KCNIP3: variants seen among roughly 807,000 people sequenced by gnomAD.
KCNIP3 encodes the protein potassium voltage-gated channel interacting protein 3.
Under a neutral mutation model 35.0 loss-of-function variants are expected in KCNIP3, and 28 were observed. The observed-to-expected ratio is 0.80, with a 90% CI of 0.59 to 1.10. The LOEUF is 1.10. KCNIP3 is among the 50% of genes least tolerant of loss of function. The pLI, the probability that KCNIP3 is intolerant of heterozygous loss-of-function variation, is 0.00. For synonymous variants in KCNIP3, 134 were observed against 133.8 expected (o/e 1.00, Z -0.01); for missense variants, 295 against 338.4 (o/e 0.87, Z 1.01).
At chr2:95,304,414 T>C (rs1396174062) in intron 1 of KCNIP3, among the ~76,000 whole-genome samples, 1 of 152,160 alleles carries the variant, frequency 6.6e-6, no homozygotes, top group Non-Finnish European at 1.5e-5. Flanking sequence ...GCTGAGGCCG[T>C]GCCCTCCCTT....
intron 2 of KCNIP3, among the ~76,000 whole-genome samples, chr2:95,314,097 C>T (rs956584061): frequency 1.3e-5 from 2 of 152,250 alleles, no homozygotes; most frequent in African/African-American, 2.4e-5. Context: ...TCATTCTCCC[C>T]GGGGTGCCAT....
At chr2:95,305,281 G>A (rs910107427) in intron 1 of KCNIP3, among the ~76,000 whole-genome samples, 11 of 152,164 alleles carry the variant, frequency 7.2e-5, no homozygotes, top group African/African-American at 1.2e-4. Context: ...GCATGCTTGC[G>A]TTTTTAACAC....
chr2:95,361,803 C>A (rs143544463), intron 2 of KCNIP3, among the ~76,000 whole-genome samples: 1 of 152,210 alleles, frequency 6.6e-6, no homozygotes, highest in Non-Finnish European at 1.5e-5. Flanking sequence ...GGGCTGGGTA[C>A]GGCAGCGAGG....
At chr2:95,359,509 G>T (rs571845316) in intron 2 of KCNIP3, among the ~76,000 whole-genome samples, 1 of 152,156 alleles carries the variant, frequency 6.6e-6, no homozygotes, top group Non-Finnish European at 1.5e-5. Flanking sequence ...TGGTGGGCTC[G>T]GCAGCCACAG....
At position 95,304,989 on chromosome 2, in the gene KCNIP3, C is replaced by A. The variant is rs537200490; in HGVS notation, c.16-5366C>A. On this transcript the variant is annotated intron_variant, in intron 1 of 8. Transcript: ENST00000295225. ...TGACCTTTGAGAAGGCTGCAGGTCC[C>A]CAGGGCCAGCCTAGGGCCGTTTCTG... 5.3e-5 allele frequency among the ~76,000 whole-genome samples: 8 copies of A among 152,308 alleles called. No homozygotes were observed. In the South Asian group the frequency reaches 1.7e-3, roughly 32 times the overall value.
chr2:95,322,277 G>A (rs1438796770), intron 2 of KCNIP3, among the ~76,000 whole-genome samples: 3 of 152,146 alleles, frequency 2.0e-5, no homozygotes, highest in East Asian at 1.9e-4. Flanking sequence ...TGGGCAGATC[G>A]CTTGAACCCG....
chr2:95,305,012 C>G (rs1678135230), intron 1 of KCNIP3, among the ~76,000 whole-genome samples: 1 of 152,222 alleles, frequency 6.6e-6, no homozygotes, highest in South Asian at 2.1e-4. Flanking sequence ...AGGGCCGTTT[C>G]TGGGACACAG....
At chr2:95,344,543 T>C (rs1679299694) in intron 2 of KCNIP3, among the ~76,000 whole-genome samples, 1 of 152,118 alleles carries the variant, frequency 6.6e-6, no homozygotes, top group Admixed American at 6.5e-5. Context: ...TAGCTCAGGG[T>C]TTATAGGCAG....
At chr2:95,330,644 T>G (rs1349901719) in intron 2 of KCNIP3, among the ~76,000 whole-genome samples, 1 of 152,150 alleles carries the variant, frequency 6.6e-6, no homozygotes, top group Admixed American at 6.5e-5. Flanking sequence ...GAACTGCAGC[T>G]GGCCTGGAGC....
intron 3 of KCNIP3, 109 bp from the exon 4 acceptor site, chr2:95,374,739 G>A: frequency 7.7e-7 from 1 of 1,298,840 alleles, no homozygotes; most frequent in Non-Finnish European, 1.1e-6. Flanking sequence ...CAGTGCCACA[G>A]GCAGCAGGCA....
intron 2 of KCNIP3, among the ~76,000 whole-genome samples, chr2:95,324,523 G>GATA (rs1553443489): frequency 6.9e-6 from 1 of 145,716 alleles, no homozygotes; most frequent in Admixed American, 6.8e-5. Context: ...AAAATAAATA[G>GATA]ATAAATAAAT....
intron 2 of KCNIP3, among the ~76,000 whole-genome samples, chr2:95,358,056 T>G (rs1679700690): frequency 6.6e-6 from 1 of 152,180 alleles, no homozygotes; most frequent in Admixed American, 6.5e-5. Flanking sequence ...CCGGGGAACA[T>G]GGCACCTCTT....
At chr2:95,323,577 C>T (rs144163934) in intron 2 of KCNIP3, among the ~76,000 whole-genome samples, 2 of 152,128 alleles carry the variant, frequency 1.3e-5, no homozygotes, top group South Asian at 4.1e-4. Context: ...CAGGTGCCAA[C>T]GCGTCCGCCT....
chr2:95,319,073 T>C (rs1471914490), intron 2 of KCNIP3, among the ~76,000 whole-genome samples: 1 of 152,218 alleles, frequency 6.6e-6, no homozygotes, highest in Non-Finnish European at 1.5e-5. Context: ...GCCTGGCACA[T>C]AAAATACCTG....
chr2:95,362,159 C>T (rs1335954466), intron 2 of KCNIP3, among the ~76,000 whole-genome samples: 3 of 150,722 alleles, frequency 2.0e-5, no homozygotes, highest in African/African-American at 4.9e-5. Context: ...CAGGCTGGAG[C>T]GCAGTGGTGT....
chr2:95,325,168 C>A (rs1323595850), intron 2 of KCNIP3, among the ~76,000 whole-genome samples: 1 of 152,148 alleles, frequency 6.6e-6, no homozygotes, highest in African/African-American at 2.4e-5. Flanking sequence ...GCCTGGACCC[C>A]AACTCGGGTG....
chr2:95,383,944 G>C, intron 8 of KCNIP3, 58 bp from the exon 9 acceptor site: 1 of 1,466,806 alleles, frequency 6.8e-7, no homozygotes, highest in East Asian at 2.3e-5. Flanking sequence ...TCTGCTCAAG[G>C]GGGTCGGATT....
intron 2 of KCNIP3, among the ~76,000 whole-genome samples, chr2:95,351,156 A>G (rs1238308542): frequency 6.6e-6 from 1 of 152,188 alleles, no homozygotes; most frequent in African/African-American, 2.4e-5. Flanking sequence ...GGTGCTAGGG[A>G]CATACTCAAG....
chr2:95,321,406 G>A (rs1678596197), intron 2 of KCNIP3, among the ~76,000 whole-genome samples: 1 of 152,212 alleles, frequency 6.6e-6, no homozygotes. Context: ...CAGGCGCCCC[G>A]GATGGAGCCC....
Sources: gnomAD v4.1 joint callset for allele counts (sites outside exome capture counted in the v4.1 genomes callset) on GRCh38, gnomAD v4.1.1 for gene constraint, MANE v1.5 for transcripts, NCBI Gene and HGNC (gene_info 2026-07-23, HGNC 2026-07-21) for gene names.